The following WDR7 variants were observed in gnomAD, a reference collection of about 807,000 sequenced individuals.
WDR7 encodes the protein WD repeat-containing protein 7.
A neutral mutation model predicts 169.4 loss-of-function variants in WDR7; 46 were observed. The observed-to-expected ratio is 0.27, with a 90% confidence interval of 0.21 to 0.35. The LOEUF (loss-of-function observed/expected upper bound fraction) is 0.35. WDR7 is among the 10% of genes least tolerant of loss of function. WDR7 has a pLI of 1.00. For synonymous variants in WDR7, 612 were observed against 666.8 expected (o/e 0.92, Z 1.27); for missense variants, 1,534 against 1,859.3 (o/e 0.83, Z 3.22).
chr18:56,663,469 C>A (rs2024949520), intron 1 of WDR7, among the ~76,000 whole-genome samples: 1 of 151,982 alleles, frequency 6.6e-6, no homozygotes, highest in Non-Finnish European at 1.5e-5. Context: ...AAGGAGAATG[C>A]CCTTATTTTT....
intron 1 of WDR7, among the ~76,000 whole-genome samples, chr18:56,661,167 C>T (rs540179626): frequency 6.6e-6 from 1 of 152,026 alleles, no homozygotes; most frequent in Non-Finnish European, 1.5e-5. Flanking sequence ...CTTTTGATGG[C>T]AACCTAAGGG....
intron 20 of WDR7, among the ~76,000 whole-genome samples, chr18:56,851,754 A>G (rs768559043): frequency 6.6e-6 from 1 of 152,234 alleles, no homozygotes; most frequent in Non-Finnish European, 1.5e-5. Context: ...TCTTTCTTCA[A>G]TAACTTGAAG....
At chr18:57,031,471 C>G (rs1204559953), downstream of WDR7, 1 of 152,130 alleles carries the variant, frequency 6.6e-6, no homozygotes, top group African/African-American at 2.4e-5. Context: ...AACTAAGAAG[C>G]CAGTGGTGCC....
chr18:56,687,298 G>A (rs779169898), intron 7 of WDR7, among the ~76,000 whole-genome samples: 3 of 152,158 alleles, frequency 2.0e-5, no homozygotes, highest in Non-Finnish European at 2.9e-5. Context: ...ACATTTCTTT[G>A]TAGGGTGTTA....
At chr18:57,030,151 G>A (rs923745542), downstream of WDR7, 20 of 152,188 alleles carry the variant, frequency 1.3e-4, no homozygotes, top group Non-Finnish European at 2.1e-4. Context: ...CAAGTTCATT[G>A]CATTTCACGC....
chr18:56,952,564 A>G (rs375987569), intron 25 of WDR7, among the ~76,000 whole-genome samples: 27 of 152,348 alleles, frequency 1.8e-4, no homozygotes, highest in African/African-American at 6.5e-4. Flanking sequence ...TATTTAATGA[A>G]CAAAGAACTC....
chr18:56,819,715 C>T (rs192735491), intron 20 of WDR7, among the ~76,000 whole-genome samples: 10 of 152,032 alleles, frequency 6.6e-5, no homozygotes, highest in Non-Finnish European at 1.2e-4. Context: ...TTTTCAATGA[C>T]GTTGCTTTAG....
intron 14 of WDR7, among the ~76,000 whole-genome samples, chr18:56,748,878 A>C (rs1047128795): frequency 3.9e-5 from 6 of 152,250 alleles, no homozygotes; most frequent in African/African-American, 1.4e-4. Flanking sequence ...CCAAATATCC[A>C]TTTCAGTCTC....
chr18:56,986,877 A>G (rs1007398408), intron 26 of WDR7, among the ~76,000 whole-genome samples: 3 of 145,576 alleles, frequency 2.1e-5, no homozygotes, highest in Admixed American at 7.0e-5. Context: ...AGATGCCATT[A>G]AACCCTGTAA....
At chr18:56,991,816 A>C (rs1232552031) in intron 26 of WDR7, among the ~76,000 whole-genome samples, 1 of 152,246 alleles carries the variant, frequency 6.6e-6, no homozygotes, top group African/African-American at 2.4e-5. Context: ...CTCTAAGAAC[A>C]AACTGTTAAT....
At position 56,935,853 on chromosome 18, in the gene WDR7, C is replaced by T. The variant is rs774667156; in HGVS notation, c.3779C>T (p.Ser1260Leu). 21 of 1,614,058 alleles carry T rather than the reference C, an allele frequency of 1.3e-5. No individual in the cohort carries two copies. The East Asian group carries it at 1.6e-4, about 12-fold the overall frequency. Residue 1260 changes from serine to leucine, a missense_variant, in exon 23 of 28, where the codon TCG becomes TTG. By Grantham distance (145) the Ser-to-Leu change is moderately radical. Transcript: ENST00000254442. ...GCCCGCTCTGCGAGGCATGCCCTCT[C>T]GCTCATTGCCACCGCCAGACCACCC... ...DSARSARHAL[S>L]LIATARPPAF...
intron 12 of WDR7, among the ~76,000 whole-genome samples, chr18:56,703,253 A>AT (rs1487704152): frequency 4.6e-5 from 7 of 152,202 alleles, no homozygotes. Context: ...GACTGTGTGT[A>AT]TACCAGTGTG....
intron 20 of WDR7, among the ~76,000 whole-genome samples, chr18:56,857,157 A>G (rs1056019732): frequency 6.6e-6 from 1 of 152,192 alleles, no homozygotes; most frequent in African/African-American, 2.4e-5. Flanking sequence ...TGTGTTTTTT[A>G]TACTAGAGTG....
chr18:56,928,476 A>G (rs996404041), intron 22 of WDR7, among the ~76,000 whole-genome samples: 2 of 152,218 alleles, frequency 1.3e-5, no homozygotes, highest in African/African-American at 4.8e-5. Context: ...AAATAAATAA[A>G]TAAATCTCAA....
At position 57,010,698 on chromosome 18, in the gene WDR7, A is replaced by G. The variant is rs77856737; in HGVS notation, c.4165-10047A>G. ...TATGTATAATTTAATTGGATATTCTATTGTTACTTTATCCTGGAAATATTG... is the reference window on the plus strand; with the variant it reads ...TATGTATAATTTAATTGGATATTCTGTTGTTACTTTATCCTGGAAATATTG... On this transcript the variant is annotated intron_variant, in intron 26 of 27. Transcript: ENST00000254442. Among the ~76,000 whole-genome samples, 1,250 of 152,304 alleles carry G rather than the reference A, an allele frequency of 8.2e-3. 16 individuals are homozygous for G. The highest frequency in any genetic ancestry group is 0.029 in the African/African-American group (1,190 of 41,554).
At chr18:56,786,566 C>G (rs900572559) in intron 19 of WDR7, among the ~76,000 whole-genome samples, 1 of 151,706 alleles carries the variant, frequency 6.6e-6, no homozygotes, top group Non-Finnish European at 1.5e-5. Flanking sequence ...AAAAAAGAGT[C>G]AAGCCCTAAT....
rs796774673 is a variant in WDR7, at chr18:56,711,058, CT to C, written c.1579-6896del. Among the ~76,000 whole-genome samples the C allele has an allele frequency of 2.4e-3, 339 of 141,616 alleles. 1 individual carries two copies. Among genetic ancestry groups the C allele is most frequent in the African/African-American group, 8.1e-3 (314 of 38,590 alleles). The allele number at this position is 141,616 out of a possible 152,430, so 92.9% of individuals were successfully genotyped here. ...AAGACATTTTTCTTTTTGTCCTTTG[CT>C]TTTTTTTTTCCTCTCCAAGGGTTAT... is the stretch of plus-strand genomic sequence containing the variant. On this transcript the variant is annotated intron_variant, in intron 12 of 27. Coordinates refer to ENST00000254442, the MANE Select transcript of WDR7 (RefSeq NM_015285.3).
At chr18:56,850,252 AT>A (rs376903342) in intron 20 of WDR7, among the ~76,000 whole-genome samples, 110 of 151,412 alleles carry the variant, frequency 7.3e-4, no homozygotes, top group African/African-American at 2.3e-3. Flanking sequence ...GTCTAAAATT[AT>A]TTTTTTTATT....
chr18:56,843,484 T>G (rs898176841), intron 20 of WDR7, among the ~76,000 whole-genome samples: 10 of 152,220 alleles, frequency 6.6e-5, no homozygotes, highest in Admixed American at 5.9e-4. Context: ...TCTGGCTTAT[T>G]TCACTTAGCA....
Sources: gnomAD v4.1 joint callset for allele counts (sites outside exome capture counted in the v4.1 genomes callset) on GRCh38, gnomAD v4.1.1 for gene constraint, MANE v1.5 for transcripts, NCBI Gene and HGNC (gene_info 2026-07-23, HGNC 2026-07-21) for gene names.